Variants in ACOX3 observed in about 807,000 individuals in gnomAD.
ACOX3 encodes peroxisomal acyl-coenzyme A oxidase 3.
In ACOX3, 73 loss-of-function variants were observed where a neutral mutation model predicts 81.5. That is an observed-to-expected ratio of 0.90 (90% CI 0.74 to 1.09). ACOX3 has a LOEUF of 1.09. Among genes scored for constraint, ACOX3 ranks in the 50% least tolerant of loss-of-function variants. The probability of loss-of-function intolerance (pLI) is 0.00; values close to 1 mark genes in which losing one functional copy is unlikely to be tolerated. For missense variants in ACOX3, 947 were observed against 928.0 expected, an observed-to-expected ratio of 1.02 and a Z score of -0.27; for synonymous variants, 387 against 375.1, an observed-to-expected ratio of 1.03 and a Z score of -0.37.
At chr4:8,396,757 T>G (rs1470326935) in intron 9 of ACOX3, among the ~76,000 whole-genome samples, 180 bp downstream of exon 9, 1 of 152,050 alleles carries the variant, frequency 6.6e-6, no homozygotes, top group Admixed American at 6.6e-5. Flanking sequence ...TCTTTTTAAA[T>G]TAAAAACCAT....
chr4:8,397,315 T>G (rs567861690), intron 8 of ACOX3, among the ~76,000 whole-genome samples, 196 bp from the exon 9 acceptor site: 2 of 152,010 alleles, frequency 1.3e-5, no homozygotes, highest in Non-Finnish European at 2.9e-5. Context: ...GAACCGTGGA[T>G]GGAATGGGGG....
At chr4:8,421,602 G>A (rs1722954970) in intron 1 of ACOX3, among the ~76,000 whole-genome samples, 2 of 152,186 alleles carry the variant, frequency 1.3e-5, no homozygotes, top group Non-Finnish European at 2.9e-5. Context: ...TACTTCCTCT[G>A]ATCCCTGCCT....
chr4:8,406,000 A>T lies in ACOX3; in HGVS notation c.731T>A (p.Val244Asp). 1 of 1,614,180 alleles carries T rather than the reference A, an allele frequency of 6.2e-7. No individual in the cohort carries two copies. Residue 244 changes from valine (V) to aspartate (D), a missense_variant, in exon 7 of 18, where the codon GTT (valine) becomes GAT (aspartate). Val to Asp is a radical substitution (Grantham distance 152). Transcript: ENST00000356406. The surrounding 1 kb of genome is among the most constrained non-coding windows in gnomAD (Gnocchi z 7.1). Reference sequence around the variant, plus strand: ...CCCGAGTTTTTTTCCTATGTCGCCAACCATCACTCCAGGCATGGGAAGAAG... The same window carrying T: ...CCCGAGTTTTTTTCCTATGTCGCCATCCATCACTCCAGGCATGGGAAGAAG... ...KTLLPMPGVM[V>D]GDIGKKLGQN...
At chr4:8,387,163 G>A (rs1246151919) in intron 13 of ACOX3, among the ~76,000 whole-genome samples, 1 of 152,274 alleles carries the variant, frequency 6.6e-6, no homozygotes. Flanking sequence ...GCTGAGCTGA[G>A]CACTGATGTG....
chr4:8,403,319 C>A (rs1051518544), intron 7 of ACOX3, among the ~76,000 whole-genome samples: 4 of 152,204 alleles, frequency 2.6e-5, no homozygotes, highest in African/African-American at 9.7e-5. Flanking sequence ...CTGGGAAACC[C>A]GGAGGGAACA....
rs1242169300 is a variant in ACOX3, at chr4:8,423,437, C to A, written c.-14-6902G>T. ...CCCGTTCAAGTTAAACTAAAGGATT[C>A]CGCCTCCTTTCCCCACCAAAGGCAG... On this transcript the variant is annotated intron_variant, in intron 1 of 17. Transcript: ENST00000356406. This position sits in a 1 kb window ranked among gnomAD's most constrained non-coding sequence, Gnocchi z 4.2. Among the ~76,000 whole-genome samples the A allele has an allele frequency of 6.6e-6, 1 of 152,110 alleles. No individual in the cohort carries two copies. Among genetic ancestry groups the A allele is most frequent in the Non-Finnish European group, 1.5e-5 (1 of 68,006 alleles).
chr4:8,422,226 GAGAC>G, intron 1 of ACOX3, among the ~76,000 whole-genome samples: 1 of 152,050 alleles, frequency 6.6e-6, no homozygotes, highest in South Asian at 2.1e-4. Flanking sequence ...GAGAAAGAGA[GAGAC>G]AGTCAAAGAG....
chr4:8,409,236 C>A (rs1423450244), intron 6 of ACOX3, among the ~76,000 whole-genome samples: 1 of 152,234 alleles, frequency 6.6e-6, no homozygotes, highest in Non-Finnish European at 1.5e-5. Context: ...TCAAATCAAC[C>A]AGATGGTCTC....
chr4:8,411,469 C>T (rs373807266), intron 5 of ACOX3, among the ~76,000 whole-genome samples: 1 of 152,218 alleles, frequency 6.6e-6, no homozygotes, highest in African/African-American at 2.4e-5. Flanking sequence ...TCTCTTCTCT[C>T]AGGGGACCAC....
At chr4:8,426,174 A>C (rs1180986660) in intron 1 of ACOX3, among the ~76,000 whole-genome samples, 1 of 152,122 alleles carries the variant, frequency 6.6e-6, no homozygotes, top group Non-Finnish European at 1.5e-5. Context: ...AAATATCAAC[A>C]AGTTCTTAAA....
In ACOX3 at chr4:8,431,102, C is replaced by G. The variant is rs1057400102; in HGVS notation, c.-15+9546G>C. Among the ~76,000 whole-genome samples the G allele has an allele frequency of 6.6e-6, 1 of 152,142 alleles. No homozygotes were observed. Among genetic ancestry groups the G allele is most frequent in the Non-Finnish European group, 1.5e-5 (1 of 68,010 alleles). Reference sequence around the variant, plus strand: ...GTTGGTTCTATTTAAGTTAGGGCATCATCACAAAATGACATGGAGAAAACA... The same window carrying G: ...GTTGGTTCTATTTAAGTTAGGGCATGATCACAAAATGACATGGAGAAAACA... On this transcript the variant is annotated intron_variant, in intron 1 of 17. Coordinates refer to ENST00000356406, the MANE Select transcript of ACOX3 (RefSeq NM_003501.3). The surrounding 1 kb of genome is among the most constrained non-coding windows in gnomAD (Gnocchi z 5.3).
rs1456935899 is a variant in ACOX3, at chr4:8,385,441, C to A, written c.1537+3732G>T. Among the ~76,000 whole-genome samples the A allele has an allele frequency of 6.6e-6, 1 of 152,212 alleles. No individual in the cohort carries two copies. The highest frequency in any genetic ancestry group is 2.4e-5 in the African/African-American group (1 of 41,448). The stretch of plus-strand genomic sequence containing the variant: ...TCACCTCTGGCCCACATCCCATGAC[C>A]TTGCAGTCCACAAATACACACGTGT... On this transcript the variant is annotated intron_variant, in intron 13 of 17. Coordinates refer to ENST00000356406, the MANE Select transcript of ACOX3 (RefSeq NM_003501.3). This position sits in a 1 kb window ranked among gnomAD's most constrained non-coding sequence, Gnocchi z 5.5.
intron 1 of ACOX3, chr4:8,438,705 T>C (rs1378770383): frequency 1.3e-5 from 2 of 152,212 alleles, no homozygotes; most frequent in African/African-American, 4.8e-5. Flanking sequence ...TAAAATCTAA[T>C]TTTTCTAGGA....
In ACOX3 at chr4:8,437,544, A is replaced by G. The variant is rs773910553; in HGVS notation, c.-15+3104T>C. ...GGAGAACTCAGGAAGGAAAAAGAAAAACAAAGACTTAAGGAAAAAGGCCAA... is the reference window on the plus strand; with the variant it reads ...GGAGAACTCAGGAAGGAAAAAGAAAGACAAAGACTTAAGGAAAAAGGCCAA... On this transcript the variant is annotated intron_variant, in intron 1 of 17. Transcript: ENST00000356406. This position sits in a 1 kb window ranked among gnomAD's most constrained non-coding sequence, Gnocchi z 5.2. Among the ~76,000 whole-genome samples, 54 of 152,210 alleles carry G rather than the reference A, an allele frequency of 3.5e-4. No individual in the cohort carries two copies. The highest frequency in any genetic ancestry group is 6.6e-4 in the Non-Finnish European group (45 of 68,044).
At position 8,389,239 on chromosome 4, in the gene ACOX3, C is replaced by T. The variant is rs766147750; in HGVS notation, c.1471G>A (p.Ala491Thr). ...TTCTGGTCAAGGATGCCGGGATAGG[C>T]GTCCAGAAAGTCCACTGACTTCAGC... ...SPLKSVDFLD[A>T]YPGILDQKFE... Residue 491 changes from alanine to threonine, a missense_variant, in exon 13 of 18, where the codon GCC (alanine) becomes ACC (threonine). Ala to Thr is a moderately conservative substitution (Grantham distance 58). Transcript: ENST00000356406. This position sits in a 1 kb window ranked among gnomAD's most constrained non-coding sequence, Gnocchi z 5.3. The T allele has an allele frequency of 6.8e-6, 11 of 1,613,768 alleles. No homozygotes were observed. The highest frequency in any genetic ancestry group is 3.3e-5 in the Admixed American group (2 of 59,988).
In ACOX3 at chr4:8,389,081, G is replaced by T; in HGVS notation, c.1537+92C>A. On this transcript the variant is annotated intron_variant, in intron 13 of 17. Coordinates refer to ENST00000356406, the MANE Select transcript of ACOX3 (RefSeq NM_003501.3). The surrounding 1 kb of genome is among the most constrained non-coding windows in gnomAD (Gnocchi z 5.3). The stretch of plus-strand genomic sequence containing the variant: ...CACCACTGCTGCCCCGGCTGGAACT[G>T]CCAAGGGTCCCCTCACCGAGGCACG... 3 of 1,062,700 alleles carry T rather than the reference G, an allele frequency of 2.8e-6. No homozygotes were observed. The highest frequency in any genetic ancestry group is 1.6e-5 in the African/African-American group (1 of 63,870). The allele number at this position is 1,062,700 out of a possible 1,614,324, so 65.8% of individuals were successfully genotyped here. A position where few individuals can be genotyped will look rare whatever the true frequency, so the allele number is the denominator to read the frequency against.
intron 16 of ACOX3, among the ~76,000 whole-genome samples, 179 bp downstream of exon 16, chr4:8,373,382 T>C (rs539411373): frequency 1.4e-3 from 208 of 147,270 alleles, no homozygotes; most frequent in African/African-American, 5.1e-3. Flanking sequence ...GCTAAGGGGG[T>C]GCGTGTCGGT....
rs562324511 is a variant in ACOX3 at position 8,384,242 on chromosome 4, C to T, written c.1538-2635G>A. 6.6e-6 allele frequency among the ~76,000 whole-genome samples: 1 copy of T among 152,152 alleles called. No individual in the cohort carries two copies. The highest frequency in any genetic ancestry group is 1.5e-5 in the Non-Finnish European group (1 of 68,020). On this transcript the variant is annotated intron_variant, in intron 13 of 17. Coordinates refer to ENST00000356406, the MANE Select transcript of ACOX3 (RefSeq NM_003501.3). The surrounding 1 kb of genome is among the most constrained non-coding windows in gnomAD (Gnocchi z 5.3). ...CACTGTGTTTTTTCCTTACACTCTA[C>T]TTTTGGTTCTTGGTTTTTCGTGAAA...
downstream of ACOX3, among the ~76,000 whole-genome samples, chr4:8,361,986 T>C (rs1235312917): frequency 6.6e-6 from 1 of 152,248 alleles, no homozygotes; most frequent in Admixed American, 6.5e-5. Context: ...AATTGTTACA[T>C]AAAATCATTG....
Sources: gnomAD v4.1 joint callset for allele counts (sites outside exome capture counted in the v4.1 genomes callset) on GRCh38, gnomAD v4.1.1 for gene constraint, Gnocchi (gnomAD v3.1) non-coding constraint, MANE v1.5 for transcripts, NCBI Gene and HGNC (gene_info 2026-07-23, HGNC 2026-07-21) for gene names.